Variants in ENOX2 observed in about 807,000 individuals in gnomAD.
ENOX2 encodes ecto-NOX disulfide-thiol exchanger 2.
In ENOX2, 36 loss-of-function variants were observed where a neutral mutation model predicts 45.0. The observed-to-expected ratio is 0.80, with a 90% CI of 0.61 to 1.06. ENOX2 has a LOEUF of 1.06. Among genes scored for constraint, ENOX2 ranks in the 50% least tolerant of loss-of-function variants. The pLI is 0.00. For missense variants in ENOX2, 423 were observed against 462.5 expected (o/e 0.91, Z 0.78); for synonymous variants, 174 against 152.3 (o/e 1.14, Z -1.05).
chrX:130,818,931 C>G (rs2077541143), intron 2 of ENOX2, among the ~76,000 whole-genome samples: 1 of 112,196 alleles, frequency 8.9e-6, no homozygotes, highest in Non-Finnish European at 1.9e-5. Context: ...TCAGAGTGAA[C>G]AGGCAACCTA....
intron 3 of ENOX2, among the ~76,000 whole-genome samples, chrX:130,704,526 T>C: frequency 9.0e-6 from 1 of 110,927 alleles, no homozygotes; most frequent in Non-Finnish European, 1.9e-5. Context: ...TAGAAAAATC[T>C]TTCTATGGCT....
At chrX:130,719,928 A>G (rs1437147841) in intron 3 of ENOX2, among the ~76,000 whole-genome samples, 1 of 112,324 alleles carries the variant, frequency 8.9e-6, no homozygotes, top group African/African-American at 3.2e-5. Context: ...AGAAAATAGG[A>G]TAGGCAAAAG....
intron 2 of ENOX2, among the ~76,000 whole-genome samples, chrX:130,817,688 C>G (rs1181982699): frequency 8.9e-6 from 1 of 112,105 alleles, no homozygotes; most frequent in Non-Finnish European, 1.9e-5. Flanking sequence ...TCAATAGATG[C>G]AGAAAAGGTC....
At chrX:130,887,360 C>T (rs1391553726) in intron 2 of ENOX2, among the ~76,000 whole-genome samples, 1 of 88,391 alleles carries the variant, frequency 1.1e-5, no homozygotes. Flanking sequence ...CTATCCCTAA[C>T]CCACCCACCC....
chrX:130,743,732 G>A (rs983663906), intron 3 of ENOX2, among the ~76,000 whole-genome samples: 10 of 110,436 alleles, frequency 9.1e-5, no homozygotes, highest in Admixed American at 7.7e-4. Flanking sequence ...TGCCTGCCTC[G>A]GCCTCCCAAA....
intron 9 of ENOX2, 37 bp downstream of exon 9, chrX:130,665,606 T>A (rs182412471): frequency 2.1e-6 from 2 of 960,648 alleles, no homozygotes; most frequent in African/African-American, 1.9e-5. Flanking sequence ...AAAGAAACTG[T>A]CCCCCCAAGG....
chrX:130,681,528 G>C (rs2037301396), intron 5 of ENOX2, among the ~76,000 whole-genome samples: 1 of 111,687 alleles, frequency 9.0e-6, no homozygotes, highest in African/African-American at 3.3e-5. Flanking sequence ...TCTCATTCCA[G>C]GTCACCACAT....
At chrX:130,736,367 A>G (rs1355351573) in intron 3 of ENOX2, among the ~76,000 whole-genome samples, 1 of 111,349 alleles carries the variant, frequency 9.0e-6, no homozygotes, top group East Asian at 2.8e-4. Context: ...TCAAAAAAAA[A>G]AAATGCTATG....
chrX:130,637,778 C>T (rs2035969843), intron 10 of ENOX2, among the ~76,000 whole-genome samples: 1 of 112,043 alleles, frequency 8.9e-6, no homozygotes, highest in African/African-American at 3.2e-5. Flanking sequence ...TTAAGGAATG[C>T]AGCATTGAGA....
At chrX:130,835,455 T>C (rs1439011073) in intron 2 of ENOX2, among the ~76,000 whole-genome samples, 1 of 111,203 alleles carries the variant, frequency 9.0e-6, no homozygotes, top group African/African-American at 3.3e-5. Context: ...AGAATTCAGA[T>C]CTATGTCTGC....
chrX:130,632,100 T>A (rs1391747820), intron 12 of ENOX2, among the ~76,000 whole-genome samples: 1 of 111,456 alleles, frequency 9.0e-6, no homozygotes, highest in Admixed American at 9.5e-5. Flanking sequence ...TTGGCTACAC[T>A]GCCAATCCAC....
intron 2 of ENOX2, among the ~76,000 whole-genome samples, chrX:130,881,980 G>A (rs1049843095): frequency 8.9e-6 from 1 of 111,756 alleles, no homozygotes; most frequent in African/African-American, 3.3e-5. Flanking sequence ...CAAGACACCA[G>A]GTTATGTGCT....
At chrX:130,748,575 T>A (rs1479912216) in intron 3 of ENOX2, among the ~76,000 whole-genome samples, 1 of 112,303 alleles carries the variant, frequency 8.9e-6, no homozygotes, top group Non-Finnish European at 1.9e-5. Flanking sequence ...AAACCCTTGG[T>A]ATTGAAAGAG....
Position 130,764,214 on chromosome X carries a change from T to A in ENOX2, c.-39+19333A>T, listed in dbSNP as rs185267663. Among the ~76,000 whole-genome samples the A allele has an allele frequency of 3.0e-3, 336 of 111,035 alleles. 1 individual carries two copies. The highest frequency in any genetic ancestry group is 9.9e-3 in the African/African-American group (302 of 30,552). ...TTTTTTAAATATATAATATCCAGGG[T>A]TTTTAGTTGTACTTAGTGGGAGGAA... On this transcript the variant is annotated intron_variant, in intron 3 of 14. Transcript: ENST00000394363.
intron 3 of ENOX2, among the ~76,000 whole-genome samples, chrX:130,708,768 A>AAGCTATTCAGAAC (rs1378116897): frequency 8.9e-6 from 1 of 112,372 alleles, no homozygotes; most frequent in Non-Finnish European, 1.9e-5. Flanking sequence ...AGCAGGTGTC[A>AAGCTATTCAGAAC]AGCTATTCAG....
chrX:130,867,816 A>C (rs1287571488), intron 2 of ENOX2, among the ~76,000 whole-genome samples: 1 of 111,758 alleles, frequency 8.9e-6, no homozygotes, highest in African/African-American at 3.2e-5. Flanking sequence ...CCTTCAAGTA[A>C]AATTGGAATC....
intron 3 of ENOX2, among the ~76,000 whole-genome samples, chrX:130,732,430 G>C (rs1364929466): frequency 1.8e-5 from 2 of 111,380 alleles, no homozygotes; most frequent in African/African-American, 6.5e-5. Context: ...ACTACCCAAA[G>C]AGATCTACAG....
chrX:130,860,386 C>G (rs952271480), intron 2 of ENOX2, among the ~76,000 whole-genome samples: 3 of 111,977 alleles, frequency 2.7e-5, no homozygotes, highest in African/African-American at 9.7e-5. Context: ...ATGCATAGCT[C>G]TAGTTCAGAC....
intron 3 of ENOX2, among the ~76,000 whole-genome samples, chrX:130,782,841 G>GAA (rs371965729): frequency 1.0e-5 from 1 of 98,344 alleles, no homozygotes; most frequent in Non-Finnish European, 2.1e-5. Flanking sequence ...ACTCCTTTTG[G>GAA]AAAAAAAAAA....
Sources: allele counts gnomAD v4.1 joint callset (sites outside exome capture counted in the v4.1 genomes callset), GRCh38; gene constraint gnomAD v4.1.1; transcripts MANE v1.5; gene names NCBI Gene and HGNC (gene_info 2026-07-23, HGNC 2026-07-21).